Variants in FAM110C observed in about 807,000 individuals in gnomAD.
FAM110C encodes family with sequence similarity 110 member C, also known as protein FAM110C.
In FAM110C, 19 loss-of-function variants were observed where a neutral mutation model predicts 15.7. The observed-to-expected ratio is 1.21, with a 90% CI of 0.85 to 1.78. The LOEUF (loss-of-function observed/expected upper bound fraction) is 1.78. Ranked by LOEUF, FAM110C falls within the 40% of genes most tolerant of loss-of-function variation. The pLI is 0.00. For missense variants in FAM110C, 547 were observed against 495.7 expected, an observed-to-expected ratio of 1.10 and a Z score of -0.98; for synonymous variants, 275 against 233.9, an observed-to-expected ratio of 1.18 and a Z score of -1.61.
In FAM110C at chr2:45,900, G is replaced by T. The variant is rs759859011; in HGVS notation, c.486C>A (p.Pro162=). The T allele has an allele frequency of 7.1e-7, 1 of 1,417,578 alleles. No homozygotes were observed. Among genetic ancestry groups the T allele is most frequent in the East Asian group, 2.8e-5 (1 of 35,932 alleles). 87.8% of individuals were successfully genotyped at this position (1,417,578 alleles called of 1,614,324 possible). ...VPTTPGPAAD[P]AIPETPAPAA... is the part of the protein sequence containing the mutation. ...CTGGGGCTGGGGTCTCGGGGATTGC[G>T]GGGTCCGCCGCGGGGCCAGGAGTGG... Residue 162 remains proline (P), a synonymous_variant, in exon 1 of 2, where the codon CCC becomes CCA. Transcript: ENST00000327669.
chr2:40,566 T>C lies in FAM110C; in HGVS notation c.*1042A>G, dbSNP rs773201175. The C allele has an allele frequency of 1.3e-5, 2 of 152,170 alleles. No homozygotes were observed. The highest frequency in any genetic ancestry group is 2.9e-5 in the Non-Finnish European group (2 of 68,040). The allele number at this position is 152,170 out of a possible 1,614,324, so 9.4% of individuals were successfully genotyped here. On this transcript the variant is annotated 3_prime_UTR_variant, in exon 2 of 2. Transcript: ENST00000327669. ...CCAGTAACCCCCATGAACATTCTCA[T>C]TATAGCCGCCCTCAGGCTGTCCCTT...
In FAM110C at chr2:42,217, A is replaced by G. The variant is rs369374976; in HGVS notation, c.947-590T>C. 24 of 985,424 alleles carry G rather than the reference A, an allele frequency of 2.4e-5. 1 individual carries two copies. The East Asian group carries it at 4.5e-4, about 19-fold the overall frequency. The allele number at this position is 985,424 out of a possible 1,614,324, so 61.0% of individuals were successfully genotyped here. ...GTTTATTTTTTCTGCATCTTTGCAA[A>G]TATGAGACACAACTCTGTTCCAGGA... On this transcript the variant is annotated intron_variant, in intron 1 of 1. Coordinates refer to ENST00000327669, the MANE Select transcript of FAM110C (RefSeq NM_001077710.3).
At position 45,027 on chromosome 2, in the gene FAM110C, A is replaced by G. The variant is rs1346231598; in HGVS notation, c.946+413T>C. Reference sequence around the variant, plus strand: ...CCAATCAAACATCAGGACCGCCCACAGCACAGGTCAATGAACTCAGGAACT... The same window carrying G: ...CCAATCAAACATCAGGACCGCCCACGGCACAGGTCAATGAACTCAGGAACT... On this transcript the variant is annotated intron_variant, in intron 1 of 1. Coordinates refer to ENST00000327669, the MANE Select transcript of FAM110C (RefSeq NM_001077710.3). 4.1e-6 allele frequency: 4 copies of G among 985,322 alleles called. No individual in the cohort carries two copies. The East Asian group carries it at 3.4e-4, about 84-fold the overall frequency. The allele number at this position is 985,322 out of a possible 1,614,324, so 61.0% of individuals were successfully genotyped here.
chr2:41,788 G>A, intron 1 of FAM110C, 161 bp from the exon 2 acceptor site: 1 of 985,360 alleles, frequency 1.0e-6, no homozygotes, highest in South Asian at 4.7e-5. Context: ...TTGACAAGAG[G>A]TCAGTAACTT....
chr2:42,168 G>T, intron 1 of FAM110C: 1 of 985,396 alleles, frequency 1.0e-6, no homozygotes, highest in African/African-American at 1.7e-5. Flanking sequence ...AAAGAAGAAA[G>T]GAAAAGAAAG....
rs541883019 is a variant in FAM110C, at chr2:39,885, A to G, written c.*1723T>C. 3.0e-4 allele frequency: 45 copies of G among 152,370 alleles called. No homozygotes were observed. The highest frequency in any genetic ancestry group is 1.0e-3 in the African/African-American group (43 of 41,586). 9.4% of individuals were successfully genotyped at this position (152,370 alleles called of 1,614,324 possible). On this transcript the variant is annotated 3_prime_UTR_variant, in exon 2 of 2. Transcript: ENST00000327669. ...TTAAAAAACTGCTCTCATCTTTCACATTATCTTCTTTTTAACTAAGTGCAA... is the reference window on the plus strand; with the variant it reads ...TTAAAAAACTGCTCTCATCTTTCACGTTATCTTCTTTTTAACTAAGTGCAA...
chr2:46,358 G>T lies in FAM110C; in HGVS notation c.28C>A (p.Pro10Thr). The T allele has an allele frequency of 2.3e-6, 3 of 1,304,710 alleles. No homozygotes were observed. The African/African-American group carries it at 4.6e-5, about 20-fold the overall frequency. The allele number at this position is 1,304,710 out of a possible 1,614,324, so 80.8% of individuals were successfully genotyped here. Reference protein sequence around the residue: MRALAALSAPPNERLLPRDP... With the variant: MRALAALSATPNERLLPRDP... ...CGGGGAAGGAGCCGCTCGTTCGGGG[G>T]CGCGCTCAGGGCCGCCAGGGCGCGC... is the stretch of plus-strand genomic sequence containing the variant. The change falls in exon 1 of 2, where the codon CCC (proline) becomes ACC (threonine). Residue 10 changes from proline to threonine, a missense_variant. By Grantham distance (38) the Pro-to-Thr change is conservative. Coordinates refer to ENST00000327669, the MANE Select transcript of FAM110C (RefSeq NM_001077710.3).
rs890311563 is a variant in FAM110C, at chr2:39,181, C to G, written c.*2427G>C. ...TCGCAAGCTTTTCATCCCGACTGAACTAAACAGTCTGATTTTTCTCAAAGT... is the reference window on the plus strand; with the variant it reads ...TCGCAAGCTTTTCATCCCGACTGAAGTAAACAGTCTGATTTTTCTCAAAGT... On this transcript the variant is annotated 3_prime_UTR_variant, in exon 2 of 2. Transcript: ENST00000327669. The G allele has an allele frequency of 2.0e-5, 3 of 152,226 alleles. No individual in the cohort carries two copies. Among genetic ancestry groups the G allele is most frequent in the Non-Finnish European group, 4.4e-5 (3 of 68,044 alleles). 9.4% of individuals were successfully genotyped at this position (152,226 alleles called of 1,614,324 possible).
At chr2:41,781 A>C (rs918285422) in intron 1 of FAM110C, 154 bp from the exon 2 acceptor site, 2 of 985,276 alleles carry the variant, frequency 2.0e-6, no homozygotes, top group Non-Finnish European at 2.4e-6. Context: ...TTAAATTTTG[A>C]CAAGAGGTCA....
intron 1 of FAM110C, chr2:43,761 T>C (rs1264513653): frequency 4.0e-5 from 39 of 985,354 alleles, no homozygotes; most frequent in Non-Finnish European, 4.2e-5. Flanking sequence ...ACCTACTGCC[T>C]GCACATGCTA....
chr2:41,682 A>G, intron 1 of FAM110C, 55 bp from the exon 2 acceptor site: 5 of 1,610,140 alleles, frequency 3.1e-6, no homozygotes, highest in Non-Finnish European at 4.2e-6. Context: ...AAAAGTTAGT[A>G]TAATGAAAAC....
chr2:43,620 T>C, intron 1 of FAM110C: 1 of 985,450 alleles, frequency 1.0e-6, no homozygotes, highest in Non-Finnish European at 1.2e-6. Context: ...CATTGGCTAA[T>C]TCGAGATGGG....
rs1005000369 is a variant in FAM110C, at chr2:39,844, T to C, written c.*1764A>G. 6.6e-6 allele frequency: 1 copy of C among 152,172 alleles called. No individual in the cohort carries two copies. The highest frequency in any genetic ancestry group is 1.9e-4 in the East Asian group (1 of 5,204). The allele number at this position is 152,172 out of a possible 1,614,324, so 9.4% of individuals were successfully genotyped here. ...GACATCTGAAAATAAGGGAATTGGG[T>C]ATATGAAAAGATCCTTTAAAAAACT... On this transcript the variant is annotated 3_prime_UTR_variant, in exon 2 of 2. Coordinates refer to ENST00000327669, the MANE Select transcript of FAM110C (RefSeq NM_001077710.3).
At chr2:43,868 G>C (rs1664197028) in intron 1 of FAM110C, 1 of 985,286 alleles carries the variant, frequency 1.0e-6, no homozygotes, top group Non-Finnish European at 1.2e-6. Flanking sequence ...TTTCAGTCAT[G>C]CAACACAGAT....
intron 1 of FAM110C, chr2:44,578 C>G (rs917614530): frequency 2.7e-5 from 27 of 985,256 alleles, no homozygotes; most frequent in Non-Finnish European, 3.0e-5. Flanking sequence ...AAAGACAGCC[C>G]TGAAAAGGTT....
intron 1 of FAM110C, chr2:43,282 G>A (rs754349055): frequency 2.0e-6 from 2 of 985,212 alleles, no homozygotes; most frequent in African/African-American, 3.5e-5. Context: ...GGTAGCTTCT[G>A]TGGGACTGTA....
intron 1 of FAM110C, chr2:41,947 T>A (rs1664135954): frequency 1.0e-6 from 1 of 985,316 alleles, no homozygotes; most frequent in African/African-American, 1.7e-5. Flanking sequence ...AGGCCAGTGC[T>A]AACTACTACA....
Position 45,683 on chromosome 2 carries a change from C to T in FAM110C, c.703G>A (p.Glu235Lys), listed in dbSNP as rs936645843. 1 of 1,606,304 alleles carries T rather than the reference C, an allele frequency of 6.2e-7. No individual in the cohort carries two copies. The highest frequency in any genetic ancestry group is 2.2e-5 in the East Asian group (1 of 44,546). Residue 235 changes from glutamate to lysine, a missense_variant, in exon 1 of 2, where the codon GAG becomes AAG. Coordinates refer to ENST00000327669, the MANE Select transcript of FAM110C (RefSeq NM_001077710.3). ...CAGTCCGACCCCGCGGTGAAGTTCT[C>T]CCTCCCCAGGGCCTCCACCACCTCG... is the stretch of plus-strand genomic sequence containing the variant. ...DPEVVEALGR[E>K]NFTAGSDCVT...
intron 1 of FAM110C, chr2:42,023 C>T (rs1157533806): frequency 3.0e-6 from 3 of 985,406 alleles, no homozygotes; most frequent in Non-Finnish European, 3.6e-6. Flanking sequence ...CAAACAGATT[C>T]CTCCCTTTTC....
Sources: allele counts gnomAD v4.1 joint callset, GRCh38; gene constraint gnomAD v4.1.1; transcripts MANE v1.5; gene names NCBI Gene and HGNC (gene_info 2026-07-23, HGNC 2026-07-21).